The following SP1 variants were observed in gnomAD, a reference collection of about 807,000 sequenced individuals.
SP1 encodes transcription factor Sp1.
SP1 carries 6 observed loss-of-function variants against 66.3 expected under a neutral mutation model. That is an observed-to-expected ratio of 0.09 (90% CI 0.05 to 0.18). SP1 has a LOEUF of 0.18. Ranked by LOEUF, SP1 falls within the 10% of genes least tolerant of loss-of-function variation. The probability of loss-of-function intolerance (pLI) is 1.00; values close to 1 mark genes in which losing one functional copy is unlikely to be tolerated. For missense variants in SP1, 848 were observed against 964.5 expected (o/e 0.88, Z 1.60); for synonymous variants, 417 against 360.8 (o/e 1.16, Z -1.77).
chr12:53,400,069 T>C (rs1220904428), intron 3 of SP1, among the ~76,000 whole-genome samples: 1 of 152,174 alleles, frequency 6.6e-6, no homozygotes, highest in African/African-American at 2.4e-5. Flanking sequence ...GGCTTAATCA[T>C]TTTTAGTATA....
chr12:53,403,118 T>G (rs1351630792), intron 3 of SP1, among the ~76,000 whole-genome samples: 1 of 151,550 alleles, frequency 6.6e-6, no homozygotes, highest in Non-Finnish European at 1.5e-5. Flanking sequence ...GCACTCCCAC[T>G]CCGTCTCAAG....
chr12:53,383,723 T>G (rs192981466), intron 3 of SP1, 101 bp downstream of exon 3: 1 of 923,476 alleles, frequency 1.1e-6, no homozygotes, highest in Admixed American at 2.4e-5. Flanking sequence ...GATAACACTT[T>G]CTTGAGGGTT....
intron 3 of SP1, among the ~76,000 whole-genome samples, chr12:53,399,342 GT>G (rs113854959): frequency 0.14 from 19,878 of 146,724 alleles, 4,364 homozygotes; most frequent in African/African-American, 0.46. Flanking sequence ...TTTTGTTTTT[GT>G]TTTTTTTTGA....
At chr12:53,409,333 A>G (rs2136919773) in intron 4 of SP1, 29 bp from the exon 5 acceptor site, 1 of 1,589,932 alleles carries the variant, frequency 6.3e-7, no homozygotes, top group Non-Finnish European at 8.6e-7. Context: ...TCTAGAATGA[A>G]TGATTAACAG....
Position 53,398,253 on chromosome 12 carries a change from G to A in SP1, c.1676-8332G>A, listed in dbSNP as rs746567416. Among the ~76,000 whole-genome samples the A allele has an allele frequency of 3.2e-4, 48 of 152,090 alleles. 1 individual carries two copies. The highest frequency in any genetic ancestry group is 3.1e-4 in the Non-Finnish European group (21 of 68,016). ...TTTGTCAGTGTTTTAGATCTTAACTGCCTATAGGGCAGGAACCACCTCTTT... is the reference window on the plus strand; with the variant it reads ...TTTGTCAGTGTTTTAGATCTTAACTACCTATAGGGCAGGAACCACCTCTTT... On this transcript the variant is annotated intron_variant, in intron 3 of 5. Coordinates refer to ENST00000327443, the MANE Select transcript of SP1 (RefSeq NM_138473.3).
In SP1 at chr12:53,412,401, G is replaced by A. The variant is rs1489377350; in HGVS notation, c.*1161G>A. The A allele has an allele frequency of 6.6e-6, 1 of 152,574 alleles. No homozygotes were observed. Among genetic ancestry groups the A allele is most frequent in the Non-Finnish European group, 1.5e-5 (1 of 68,022 alleles). The allele number at this position is 152,574 out of a possible 1,614,324, so 9.5% of individuals were successfully genotyped here. ...GGACTTTGGTACTGCTGTCTTCCAAGGTAGCTCTAAGTTTTGATGTGTGGG... is the reference window on the plus strand; with the variant it reads ...GGACTTTGGTACTGCTGTCTTCCAAAGTAGCTCTAAGTTTTGATGTGTGGG... On this transcript the variant is annotated 3_prime_UTR_variant, in exon 6 of 6. Transcript: ENST00000327443.
chr12:53,406,820 G>A, intron 4 of SP1, 67 bp downstream of exon 4: 1 of 1,372,240 alleles, frequency 7.3e-7, no homozygotes, highest in South Asian at 1.3e-5. Context: ...ATAAGAGGAA[G>A]AAGATTAATT....
At chr12:53,391,516 G>C (rs1167730689) in intron 3 of SP1, among the ~76,000 whole-genome samples, 1 of 151,762 alleles carries the variant, frequency 6.6e-6, no homozygotes, top group East Asian at 1.9e-4. Context: ...GTAGAGACGG[G>C]GTTTCCCCAT....
Position 53,380,244 on chromosome 12 carries a change from C to T in SP1, c.-48C>T, listed in dbSNP as rs1045649173. On this transcript the variant is annotated 5_prime_UTR_variant, in exon 1 of 6. Transcript: ENST00000327443. Reference sequence around the variant, plus strand: ...CGTCCGCGTTTTTCCCGGCCCCCCCCAACCCCCCCGGACAGGACCCCCTTG... The same window carrying T: ...CGTCCGCGTTTTTCCCGGCCCCCCCTAACCCCCCCGGACAGGACCCCCTTG... 2.2e-5 allele frequency: 29 copies of T among 1,339,458 alleles called. No individual in the cohort carries two copies. The highest frequency in any genetic ancestry group is 3.1e-5 in the Non-Finnish European group (29 of 936,032). 83.0% of individuals were successfully genotyped at this position (1,339,458 alleles called of 1,614,324 possible).
rs941019733 is a variant in SP1 at position 53,411,896 on chromosome 12, C to T, written c.*656C>T. Reference sequence around the variant, plus strand: ...CATATATACATACATAATGTTTTTCCTTTCTTAATTTTGTCTTTTTGTTTG... The same window carrying T: ...CATATATACATACATAATGTTTTTCTTTTCTTAATTTTGTCTTTTTGTTTG... On this transcript the variant is annotated 3_prime_UTR_variant, in exon 6 of 6. Coordinates refer to ENST00000327443, the MANE Select transcript of SP1 (RefSeq NM_138473.3). 6.6e-6 allele frequency: 1 copy of T among 152,270 alleles called. No homozygotes were observed. Among genetic ancestry groups the T allele is most frequent in the Admixed American group, 6.6e-5 (1 of 15,212 alleles). The allele number at this position is 152,270 out of a possible 1,614,324, so 9.4% of individuals were successfully genotyped here.
chr12:53,394,451 C>A (rs1388510435), intron 3 of SP1, among the ~76,000 whole-genome samples: 2 of 134,178 alleles, frequency 1.5e-5, no homozygotes, highest in Non-Finnish European at 3.1e-5. Flanking sequence ...TGCTCTGGTG[C>A]CCAGAGTGCT....
chr12:53,411,962 C>T lies in SP1; in HGVS notation c.*722C>T, dbSNP rs529893734. On this transcript the variant is annotated 3_prime_UTR_variant, in exon 6 of 6. Transcript: ENST00000327443. ...ACTCCTTCCCTAACTCAACTGTTGC[C>T]GTCTCATCTTCTCTCATCTGATCAC... 3.3e-5 allele frequency: 5 copies of T among 152,078 alleles called. No homozygotes were observed. The highest frequency in any genetic ancestry group is 4.8e-5 in the African/African-American group (2 of 41,366). 9.4% of individuals were successfully genotyped at this position (152,078 alleles called of 1,614,324 possible). A position where few individuals can be genotyped will look rare whatever the true frequency, so the allele number is the denominator to read the frequency against.
rs1160370798 is a variant in SP1, at chr12:53,382,905, T to A, written c.958T>A (p.Phe320Ile). The part of the protein sequence containing the change: ...LVSSQASSSS[F>I]FTNANSYSTT... ...ATCATCACAAGCCAGTTCCAGCTCC[T>A]TTTTCACCAATGCCAATAGCTACTC... Residue 320 changes from phenylalanine (F) to isoleucine (I), a missense_variant, in exon 3 of 6, where the codon TTT (phenylalanine) becomes ATT (isoleucine). Phe to Ile is a conservative substitution (Grantham distance 21). Coordinates refer to ENST00000327443, the MANE Select transcript of SP1 (RefSeq NM_138473.3). The A allele has an allele frequency of 3.1e-6, 5 of 1,614,078 alleles. No homozygotes were observed. Among genetic ancestry groups the A allele is most frequent in the Non-Finnish European group, 3.4e-6 (4 of 1,179,964 alleles).
chr12:53,395,466 T>C (rs1217813379), intron 3 of SP1, among the ~76,000 whole-genome samples: 2 of 152,236 alleles, frequency 1.3e-5, no homozygotes, highest in Non-Finnish European at 2.9e-5. Context: ...AATTCAGTTA[T>C]ACTTATGATT....
intron 5 of SP1, 126 bp downstream of exon 5, chr12:53,409,687 G>T (rs1414002751): frequency 3.7e-6 from 3 of 812,192 alleles, no homozygotes; most frequent in Non-Finnish European, 5.8e-6. Context: ...GTCACAAATG[G>T]AATTGGAGTT....
chr12:53,399,681 G>C (rs1363444008), intron 3 of SP1, among the ~76,000 whole-genome samples: 1 of 150,734 alleles, frequency 6.6e-6, no homozygotes, highest in Non-Finnish European at 1.5e-5. Flanking sequence ...TTGTTGCCCA[G>C]GCTGGAGTGC....
In SP1 at chr12:53,381,658, G is replaced by T. The variant is rs1938100580; in HGVS notation, c.8-1G>T. ...CGTTGTTTGTTTTTTAATTATTTTA[G>T]ACCAAGATCACTCCATGGATGAAAT... On this transcript the variant is annotated splice_acceptor_variant, in intron 1 of 5. Coordinates refer to ENST00000327443, the MANE Select transcript of SP1 (RefSeq NM_138473.3). LOFTEE classifies it high-confidence loss of function. 2.5e-6 allele frequency: 4 copies of T among 1,601,238 alleles called. No individual in the cohort carries two copies.
Position 53,383,591 on chromosome 12 carries a change from A to C in SP1, c.1644A>C (p.Gln548His), listed in dbSNP as rs368642435. The C allele has an allele frequency of 6.2e-7, 1 of 1,611,608 alleles. No homozygotes were observed. The highest frequency in any genetic ancestry group is 8.5e-7 in the Non-Finnish European group (1 of 1,178,738). Residue 548 changes from glutamine to histidine, a missense_variant, in exon 3 of 6, where the codon CAA becomes CAC. By Grantham distance (24) the Gln-to-His change is conservative (BLOSUM62 0). This residue lies in a region of SP1 where 606 missense variants were observed against 589.9 expected (regional missense o/e 1.03). Coordinates refer to ENST00000327443, the MANE Select transcript of SP1 (RefSeq NM_138473.3). ...CAGGAATCCAGGTGCACCCAATTCA[A>C]GGCCTGCCGTTGGCTATAGCAAATG... ...GTSGIQVHPIQGLPLAIANAP... is the reference protein window; with the variant it reads ...GTSGIQVHPIHGLPLAIANAP...
Position 53,382,993 on chromosome 12 carries a change from C to G in SP1, c.1046C>G (p.Thr349Ser), listed in dbSNP as rs748104813. 28 of 1,614,038 alleles carry G rather than the reference C, an allele frequency of 1.7e-5. No homozygotes were observed. The South Asian group carries it at 2.9e-4, about 16-fold the overall frequency. ...TTTACTACCAGTGGATCATCAGGGA[C>G]CAACTCTCAAGGCCAGACACCCCAG... ...MNFTTSGSSG[T>S]NSQGQTPQRV... Residue 349 changes from threonine (T) to serine (S), a missense_variant, in exon 3 of 6, where the codon ACC (threonine) becomes AGC (serine). By Grantham distance (58) the Thr-to-Ser change is moderately conservative (BLOSUM62 1). Coordinates refer to ENST00000327443, the MANE Select transcript of SP1 (RefSeq NM_138473.3).
Sources: gnomAD v4.1 joint callset for allele counts (sites outside exome capture counted in the v4.1 genomes callset) on GRCh38, gnomAD v4.1.1 for gene constraint, gnomAD v4.1.1 regional missense constraint, MANE v1.5 for transcripts, NCBI Gene and HGNC (gene_info 2026-07-23, HGNC 2026-07-21) for gene names.